Variants in DCHS2 observed in about 807,000 individuals in gnomAD.
DCHS2 encodes dachsous cadherin-related 2.
Under a neutral mutation model 182.4 loss-of-function variants are expected in DCHS2, and 142 were observed. The observed-to-expected ratio is 0.78, with a 90% confidence interval of 0.68 to 0.89. The LOEUF is 0.89. Ranked by LOEUF, DCHS2 falls within the 40% of genes least tolerant of loss-of-function variation. The pLI is 0.00. For synonymous variants in DCHS2, 1,740 were observed against 1,663.3 expected (o/e 1.05, Z -1.12); for missense variants, 4,319 against 4,198.6 (o/e 1.03, Z -0.79).
At chr4:154,487,656 T>G (rs1479864495) in intron 1 of DCHS2, among the ~76,000 whole-genome samples, 1 of 152,176 alleles carries the variant, frequency 6.6e-6, no homozygotes, top group African/African-American at 2.4e-5. Flanking sequence ...GCACCTCAAT[T>G]ATCTAAAGGT....
chr4:154,446,359 G>A (rs899677592), intron 1 of DCHS2, among the ~76,000 whole-genome samples: 4 of 152,218 alleles, frequency 2.6e-5, no homozygotes, highest in South Asian at 2.1e-4. Flanking sequence ...TCACAGACCC[G>A]CTGTCAAGAG....
At position 154,320,919 on chromosome 4, in the gene DCHS2, C is replaced by G; in HGVS notation, c.4480G>C (p.Val1494Leu). The change falls in exon 9 of 20, where the codon GTC becomes CTC. Residue 1494 changes from valine to leucine, a missense_variant. Val to Leu is a conservative substitution (Grantham distance 32). Transcript: ENST00000357232. ...TCTTCCACATCGATACTAAGGAAGA[C>G]TGTGCTACTCAGGGAAAGGTTTTTG... ...HSKNLSLSSTVFLSIDVEDQN... is the reference protein window; with the variant it reads ...HSKNLSLSSTLFLSIDVEDQN... The G allele has an allele frequency of 1.2e-6, 2 of 1,614,072 alleles. No individual in the cohort carries two copies. Among genetic ancestry groups the G allele is most frequent in the Non-Finnish European group, 1.7e-6 (2 of 1,180,010 alleles).
intron 16 of DCHS2, among the ~76,000 whole-genome samples, chr4:154,253,551 C>T (rs748647596): frequency 6.6e-6 from 1 of 151,938 alleles, no homozygotes. Flanking sequence ...TGCAGTCATC[C>T]GTGGAAGAGG....
chr4:154,478,610 A>T (rs1170201493), intron 1 of DCHS2, among the ~76,000 whole-genome samples: 1 of 152,180 alleles, frequency 6.6e-6, no homozygotes, highest in East Asian at 1.9e-4. Flanking sequence ...GGGTTCCAGG[A>T]AACCATAGCC....
At chr4:154,304,899 G>A (rs757699635) in intron 11 of DCHS2, 21 bp from the exon 12 acceptor site, 99 of 1,584,794 alleles carry the variant, frequency 6.2e-5, no homozygotes, top group Non-Finnish European at 8.1e-5. Flanking sequence ...ACACAAAGAC[G>A]GTATGAATTG....
intron 19 of DCHS2, among the ~76,000 whole-genome samples, chr4:154,238,541 A>G (rs1344843722): frequency 2.0e-5 from 3 of 152,174 alleles, no homozygotes; most frequent in Admixed American, 2.0e-4. Flanking sequence ...CTTTCTCTAT[A>G]TACTGTTTAA....
intron 1 of DCHS2, among the ~76,000 whole-genome samples, chr4:154,452,896 C>T (rs146784125): frequency 0.014 from 2,148 of 152,226 alleles, 46 homozygotes; most frequent in African/African-American, 0.05. Flanking sequence ...AGGATAAAGG[C>T]TTTGCAAACA....
intron 10 of DCHS2, among the ~76,000 whole-genome samples, chr4:154,311,435 A>G (rs1043914379): frequency 6.6e-6 from 1 of 150,710 alleles, no homozygotes; most frequent in African/African-American, 2.4e-5. Context: ...AGGTCTTGCT[A>G]TGTTGCCCAA....
intron 1 of DCHS2, among the ~76,000 whole-genome samples, chr4:154,441,059 G>A (rs1733991988): frequency 6.6e-6 from 1 of 152,074 alleles, no homozygotes; most frequent in African/African-American, 2.4e-5. Context: ...TGCTGGCATG[G>A]GCAAAAATAA....
chr4:154,396,424 G>T (rs1731931278), intron 1 of DCHS2, among the ~76,000 whole-genome samples: 1 of 152,056 alleles, frequency 6.6e-6, no homozygotes, highest in Non-Finnish European at 1.5e-5. Context: ...GTATGAATAA[G>T]CCCACTTGGC....
intron 13 of DCHS2, among the ~76,000 whole-genome samples, chr4:154,293,425 A>C (rs559683197): frequency 3.8e-4 from 58 of 152,092 alleles, no homozygotes; most frequent in African/African-American, 1.3e-3. Flanking sequence ...CTGGTGATCC[A>C]CCCACCCCGG....
chr4:154,352,243 C>A (rs1729654936), intron 3 of DCHS2, among the ~76,000 whole-genome samples: 1 of 152,212 alleles, frequency 6.6e-6, no homozygotes, highest in Non-Finnish European at 1.5e-5. Context: ...CAAGTCACCC[C>A]AACCTGCCAG....
Position 154,329,531 on chromosome 4 carries a change from G to C in DCHS2, c.3910C>G (p.His1304Asp). ...FPQCLPGKEL[H>D]VKVLEGQPVN... Reference sequence around the variant, plus strand: ...AAGGTTTCTTCACAAACCTTCACGTGTAACTCCTTTCCAGGGAGACACTGG... The same window carrying C: ...AAGGTTTCTTCACAAACCTTCACGTCTAACTCCTTTCCAGGGAGACACTGG... Residue 1304 changes from histidine to aspartate, a missense_variant, in exon 6 of 20, where the codon CAC becomes GAC. Physicochemically the swap from His to Asp is moderately conservative, Grantham distance 81 (BLOSUM62 -1). Transcript: ENST00000357232. The C allele has an allele frequency of 5.6e-6, 9 of 1,613,326 alleles. No individual in the cohort carries two copies. Among genetic ancestry groups the C allele is most frequent in the Non-Finnish European group, 7.6e-6 (9 of 1,179,566 alleles).
At chr4:154,282,380 C>T (rs1250930718) in intron 13 of DCHS2, among the ~76,000 whole-genome samples, 2 of 151,786 alleles carry the variant, frequency 1.3e-5, no homozygotes, top group Non-Finnish European at 2.9e-5. Flanking sequence ...AGGACTTGAA[C>T]AAACATTTCT....
At chr4:154,401,333 T>C (rs567737223) in intron 1 of DCHS2, among the ~76,000 whole-genome samples, 158 of 152,304 alleles carry the variant, frequency 1.0e-3, no homozygotes, top group African/African-American at 3.8e-3. Flanking sequence ...GCCATGAATA[T>C]TATCGCATGA....
chr4:154,491,083 C>G lies in DCHS2; in HGVS notation c.273G>C (p.Pro91=), dbSNP rs778306936. ...CGCTCCCCTCCTGCTGCTGCGCGGC[C>G]GGCAGCCCGGCGCGGATGTCACCTA... The part of the protein sequence containing the change: ...TLVGDIRAGL[P]AAQQQEGSGF... The change falls in exon 1 of 20, where the codon CCG becomes CCC. Residue 91 remains proline (P), a synonymous_variant. Transcript: ENST00000357232. The G allele has an allele frequency of 3.5e-5, 54 of 1,551,204 alleles. No homozygotes were observed. The highest frequency in any genetic ancestry group is 4.5e-5 in the Non-Finnish European group (52 of 1,146,958).
chr4:154,286,046 G>A (rs1734379901), intron 13 of DCHS2, among the ~76,000 whole-genome samples: 1 of 152,024 alleles, frequency 6.6e-6, no homozygotes, highest in Admixed American at 6.6e-5. Flanking sequence ...TGTTTGGAAG[G>A]AAGGAAGAGA....
intron 10 of DCHS2, among the ~76,000 whole-genome samples, chr4:154,306,007 T>C (rs1428563639): frequency 6.6e-6 from 1 of 152,168 alleles, no homozygotes; most frequent in East Asian, 1.9e-4. Flanking sequence ...TGAGAATATA[T>C]GATGTTATAC....
Position 154,304,718 on chromosome 4 carries a change from G to A in DCHS2, c.5556C>T (p.Ala1852=). The change falls in exon 12 of 20, where the codon GCC becomes GCT. Residue 1852 remains alanine (A), a synonymous_variant. Transcript: ENST00000357232. The part of the protein sequence containing the change: ...QEPEVVYTVL[A]SDMDAGNNRA... The stretch of plus-strand genomic sequence containing the variant: ...TGTTATTGCCAGCATCCATATCAGA[G>A]GCTAAAACCGTATAGACAACCTCTG... The A allele has an allele frequency of 2.5e-6, 4 of 1,613,886 alleles. No homozygotes were observed. The highest frequency in any genetic ancestry group is 3.4e-6 in the Non-Finnish European group (4 of 1,179,888).
Sources: gnomAD v4.1 joint callset for allele counts (sites outside exome capture counted in the v4.1 genomes callset) on GRCh38, gnomAD v4.1.1 for gene constraint, MANE v1.5 for transcripts, NCBI Gene and HGNC (gene_info 2026-07-23, HGNC 2026-07-21) for gene names.